The following ETFA variants were observed in gnomAD, a reference collection of about 807,000 sequenced individuals.
ETFA encodes the protein electron transfer flavoprotein subunit alpha, also known as electron transfer flavoprotein subunit alpha, mitochondrial.
A neutral mutation model predicts 46.2 loss-of-function variants in ETFA; 22 were observed. The observed-to-expected ratio is 0.48, with a 90% confidence interval of 0.34 to 0.68. ETFA has a LOEUF of 0.68. Ranked by LOEUF, ETFA falls within the 30% of genes least tolerant of loss-of-function variation. The pLI is 0.01. For synonymous variants in ETFA, 131 were observed against 139.9 expected, an observed-to-expected ratio of 0.94 and a Z score of 0.45; for missense variants, 345 against 401.1, an observed-to-expected ratio of 0.86 and a Z score of 1.19.
intron 11 of ETFA, among the ~76,000 whole-genome samples, chr15:76,217,244 C>T (rs552356939): frequency 6.6e-6 from 1 of 152,176 alleles, no homozygotes; most frequent in African/African-American, 2.4e-5. Flanking sequence ...GCATTCTTCC[C>T]ACCCTTAACT....
At position 76,307,689 on chromosome 15, in the gene ETFA, G is replaced by A. The variant is rs540907705; in HGVS notation, c.39+3661C>T. Among the ~76,000 whole-genome samples, 6 of 151,884 alleles carry A rather than the reference G, an allele frequency of 4.0e-5. No homozygotes were observed. The South Asian group carries it at 8.3e-4, about 21-fold the overall frequency. The stretch of plus-strand genomic sequence containing the variant: ...GGTAGAGATGGGGTTTCGCCATGTT[G>A]CGCAGGCTGGTCTCGAACTCCTGAG... On this transcript the variant is annotated intron_variant, in intron 1 of 11. Transcript: ENST00000557943.
intron 9 of ETFA, among the ~76,000 whole-genome samples, chr15:76,247,493 G>GA (rs2039254406): frequency 6.6e-6 from 1 of 152,108 alleles, no homozygotes; most frequent in Admixed American, 6.6e-5. Context: ...TCCTTTGCTA[G>GA]AATCTTTCCA....
Position 76,287,843 on chromosome 15 carries a change from C to T in ETFA, c.451+3G>A. Reference sequence around the variant, plus strand: ...TGATTAATTATCTTCCTTGAGTACTCACCTGCATAAATAGTTCTCACAAAT... The same window carrying T: ...TGATTAATTATCTTCCTTGAGTACTTACCTGCATAAATAGTTCTCACAAAT... On this transcript the variant is annotated splice_donor_region_variant and intron_variant, in intron 5 of 11. Coordinates refer to ENST00000557943, the MANE Select transcript of ETFA (RefSeq NM_000126.4). 1 of 1,571,842 alleles carries T rather than the reference C, an allele frequency of 6.4e-7. No individual in the cohort carries two copies. The highest frequency in any genetic ancestry group is 8.8e-7 in the Non-Finnish European group (1 of 1,141,438).
intron 9 of ETFA, chr15:76,261,409 A>C: frequency 7.7e-7 from 1 of 1,301,794 alleles, no homozygotes; most frequent in Non-Finnish European, 1.1e-6. Context: ...GAGGAAGCCG[A>C]TCCAGTGCTG....
At chr15:76,300,341 C>A (rs1223531216) in intron 1 of ETFA, among the ~76,000 whole-genome samples, 2 of 152,092 alleles carry the variant, frequency 1.3e-5, no homozygotes, top group Non-Finnish European at 1.5e-5. Flanking sequence ...CAGCCCCTTC[C>A]CCATACTGCT....
intron 9 of ETFA, among the ~76,000 whole-genome samples, chr15:76,245,484 G>C (rs1189336980): frequency 6.6e-6 from 1 of 152,192 alleles, no homozygotes; most frequent in Non-Finnish European, 1.5e-5. Flanking sequence ...ATACAAGTAA[G>C]TCTATAAAGT....
At chr15:76,287,737 T>C (rs1344459080) in intron 5 of ETFA, 109 bp downstream of exon 5, 1 of 838,158 alleles carries the variant, frequency 1.2e-6, no homozygotes, top group Non-Finnish European at 1.9e-6. Flanking sequence ...TTTAAGATGG[T>C]CCACTTAAAG....
intron 6 of ETFA, 81 bp from the exon 7 acceptor site, chr15:76,285,819 A>T: frequency 1.1e-6 from 1 of 919,326 alleles, no homozygotes; most frequent in Non-Finnish European, 1.8e-6. Flanking sequence ...GAAACACACA[A>T]GTATATAATT....
chr15:76,253,719 A>C (rs1170047287), intron 9 of ETFA, among the ~76,000 whole-genome samples: 2 of 152,158 alleles, frequency 1.3e-5, no homozygotes, highest in East Asian at 3.8e-4. Flanking sequence ...GGGAGGGGAG[A>C]GATTTTGGAT....
At chr15:76,227,137 C>T (rs1271373675) in intron 10 of ETFA, among the ~76,000 whole-genome samples, 1 of 152,050 alleles carries the variant, frequency 6.6e-6, no homozygotes, top group Non-Finnish European at 1.5e-5. Flanking sequence ...GTAACTCATA[C>T]CTATAATCCC....
intron 2 of ETFA, among the ~76,000 whole-genome samples, chr15:76,293,677 G>C (rs140038963): frequency 1.3e-5 from 2 of 152,302 alleles, no homozygotes; most frequent in African/African-American, 4.8e-5. Flanking sequence ...CCTCCAAACT[G>C]ATTCATTGAT....
At chr15:76,220,525 A>G (rs2038947107) in intron 11 of ETFA, among the ~76,000 whole-genome samples, 1 of 152,242 alleles carries the variant, frequency 6.6e-6, no homozygotes, top group Non-Finnish European at 1.5e-5. Context: ...AAAGGACACC[A>G]TTAAGAAAGT....
At chr15:76,226,345 G>A (rs1444097286) in intron 10 of ETFA, 1 of 193,022 alleles carries the variant, frequency 5.2e-6, no homozygotes, top group Non-Finnish European at 1.1e-5. Context: ...AGCACTTTGG[G>A]AGGCCAAGAC....
chr15:76,261,754 G>A, intron 9 of ETFA: 1 of 214,374 alleles, frequency 4.7e-6, no homozygotes, highest in South Asian at 1.3e-4. Flanking sequence ...GGCTGAATGT[G>A]ACTTTTTATA....
chr15:76,236,714 A>T (rs2039127259), intron 9 of ETFA, among the ~76,000 whole-genome samples: 1 of 152,194 alleles, frequency 6.6e-6, no homozygotes, highest in Non-Finnish European at 1.5e-5. Context: ...AGAGAGTCAC[A>T]AATAGATGAC....
At chr15:76,303,270 T>C (rs1308438772) in intron 1 of ETFA, among the ~76,000 whole-genome samples, 1 of 152,050 alleles carries the variant, frequency 6.6e-6, no homozygotes, top group East Asian at 1.9e-4. Context: ...ATTGCACCCT[T>C]GCACTCCAGC....
At chr15:76,238,807 T>C (rs1442681588) in intron 9 of ETFA, among the ~76,000 whole-genome samples, 1 of 152,230 alleles carries the variant, frequency 6.6e-6, no homozygotes, top group Non-Finnish European at 1.5e-5. Flanking sequence ...TGTTTAAGTC[T>C]CTTCTCTTTT....
At chr15:76,274,541 G>T in intron 8 of ETFA, 47 bp from the exon 9 acceptor site, 1 of 1,434,048 alleles carries the variant, frequency 7.0e-7, no homozygotes, top group Non-Finnish European at 9.7e-7. Context: ...CTATTATTCA[G>T]CTAGTTAGGA....
intron 9 of ETFA, among the ~76,000 whole-genome samples, chr15:76,264,977 C>A (rs563282499): frequency 1.3e-5 from 2 of 152,244 alleles, no homozygotes; most frequent in South Asian, 2.1e-4. Context: ...AGATGGACAA[C>A]CTCTTTCAGG....
Sources: gnomAD v4.1 joint callset for allele counts (sites outside exome capture counted in the v4.1 genomes callset) on GRCh38, gnomAD v4.1.1 for gene constraint, MANE v1.5 for transcripts, NCBI Gene and HGNC (gene_info 2026-07-23, HGNC 2026-07-21) for gene names.